METTL14: variants seen among roughly 807,000 people sequenced by gnomAD.
METTL14 encodes the protein methyltransferase 14, N6-adenosine-methyltransferase non-catalytic subunit, also known as N(6)-adenosine-methyltransferase non-catalytic subunit METTL14.
In METTL14, 32 loss-of-function variants were observed where a neutral mutation model predicts 62.4. The observed-to-expected ratio is 0.51, with a 90% CI of 0.39 to 0.69. The LOEUF (loss-of-function observed/expected upper bound fraction) is 0.69. Ranked by LOEUF, METTL14 falls within the 30% of genes least tolerant of loss-of-function variation. METTL14 has a pLI of 0.00. For missense variants in METTL14, 340 were observed against 551.9 expected (o/e 0.62, Z 3.85); for synonymous variants, 150 against 180.0 (o/e 0.83, Z 1.34).
At chr4:118,694,889 C>T (rs1724362484) in intron 6 of METTL14, among the ~76,000 whole-genome samples, 1 of 151,582 alleles carries the variant, frequency 6.6e-6, no homozygotes, top group South Asian at 2.1e-4. Context: ...GCAGCCTCCG[C>T]CCCCTGGGTT....
chr4:118,709,750 C>T (rs545392793), intron 10 of METTL14, among the ~76,000 whole-genome samples: 1 of 152,214 alleles, frequency 6.6e-6, no homozygotes, highest in African/African-American at 2.4e-5. Flanking sequence ...GTTCTATTCT[C>T]ACAAAAGATA....
chr4:118,698,452 C>CA (rs70941202), intron 7 of METTL14, among the ~76,000 whole-genome samples: 4,804 of 74,784 alleles, frequency 0.064, 299 homozygotes, highest in African/African-American at 0.2. Flanking sequence ...GACTCTGTCT[C>CA]AAAAAAAAAA....
intron 3 of METTL14, among the ~76,000 whole-genome samples, chr4:118,689,682 C>T (rs1482184193): frequency 1.4e-5 from 2 of 145,364 alleles, no homozygotes; most frequent in South Asian, 2.2e-4. Flanking sequence ...CTCGCTCTGT[C>T]GCCAGGCTGG....
chr4:118,690,774 T>G (rs1424019282), intron 3 of METTL14, among the ~76,000 whole-genome samples: 1 of 152,142 alleles, frequency 6.6e-6, no homozygotes, highest in Admixed American at 6.5e-5. Context: ...GAAGCTTTTT[T>G]GAGGAGTTGT....
rs569418440 is a variant in METTL14 at position 118,714,983 on chromosome 4, A to C, written c.*4681A>C. 2.6e-5 allele frequency: 4 copies of C among 152,266 alleles called. No homozygotes were observed. Among genetic ancestry groups the C allele is most frequent in the African/African-American group, 7.2e-5 (3 of 41,476 alleles). 9.4% of individuals were successfully genotyped at this position (152,266 alleles called of 1,614,324 possible). A position where few individuals can be genotyped will look rare whatever the true frequency, so the allele number is the denominator to read the frequency against. On this transcript the variant is annotated 3_prime_UTR_variant, in exon 11 of 11. Transcript: ENST00000388822. ...AAAAAGGTTACTTGCTTGAGACAGG[A>C]AACTATCACCTTTGAAAGCATATTA...
At position 118,697,341 on chromosome 4, in the gene METTL14, A is replaced by G. The variant is rs753655905; in HGVS notation, c.645+18A>G. 2 of 1,575,046 alleles carry G rather than the reference A, an allele frequency of 1.3e-6. No individual in the cohort carries two copies. The highest frequency in any genetic ancestry group is 1.7e-6 in the Non-Finnish European group (2 of 1,164,278). Reference sequence around the variant, plus strand: ...GGGATGATGTATGATCAAACTTTCTACATTGTAATGAATTATTTATTTTCA... The same window carrying G: ...GGGATGATGTATGATCAAACTTTCTGCATTGTAATGAATTATTTATTTTCA... On this transcript the variant is annotated intron_variant, in intron 7 of 10. Transcript: ENST00000388822.
chr4:118,698,845 A>G (rs1170954336), intron 7 of METTL14, among the ~76,000 whole-genome samples: 2 of 152,236 alleles, frequency 1.3e-5, no homozygotes, highest in African/African-American at 4.8e-5. Flanking sequence ...TCTGGTTTCA[A>G]AATACATATT....
At chr4:118,691,812 T>C (rs958738860) in intron 4 of METTL14, among the ~76,000 whole-genome samples, 169 bp from the exon 5 acceptor site, 5 of 152,230 alleles carry the variant, frequency 3.3e-5, no homozygotes, top group African/African-American at 1.2e-4. Flanking sequence ...TATATTAATA[T>C]CAGTAGCTAC....
intron 4 of METTL14, 22 bp from the exon 5 acceptor site, chr4:118,691,959 T>G (rs764400502): frequency 6.6e-7 from 1 of 1,522,290 alleles, no homozygotes; most frequent in East Asian, 2.3e-5. Flanking sequence ...TGTTACAAAT[T>G]TAATTTTGTT....
chr4:118,705,737 G>A lies in METTL14; in HGVS notation c.982G>A (p.Val328Ile). ...TGAAATTGGCAATATAGAAAAACCT[G>A]TAGAAATTTTTCATATAATTGAGCA... ...EPEIGNIEKP[V>I]EIFHIIEHFC... The change falls in exon 10 of 11, where the codon GTA becomes ATA. Residue 328 changes from valine (V) to isoleucine (I), a missense_variant. By Grantham distance (29) the Val-to-Ile change is conservative. Transcript: ENST00000388822. 6.2e-7 allele frequency: 1 copy of A among 1,614,038 alleles called. No individual in the cohort carries two copies. The highest frequency in any genetic ancestry group is 8.5e-7 in the Non-Finnish European group (1 of 1,179,954).
In METTL14 at chr4:118,685,434, G is replaced by T; in HGVS notation, c.-101G>T. 1 of 1,190,282 alleles carries T rather than the reference G, an allele frequency of 8.4e-7. No individual in the cohort carries two copies. 73.7% of individuals were successfully genotyped at this position (1,190,282 alleles called of 1,614,324 possible). On this transcript the variant is annotated 5_prime_UTR_variant, in exon 1 of 11. Transcript: ENST00000388822. ...AGCTATGAGGATACTCTGTTCGTAA[G>T]CTCCCGGTGAATTTTGTTCCACAGA...
At chr4:118,700,871 A>G (rs146856192) in intron 8 of METTL14, among the ~76,000 whole-genome samples, 1 of 152,204 alleles carries the variant, frequency 6.6e-6, no homozygotes, top group Admixed American at 6.5e-5. Flanking sequence ...AAGACACTTC[A>G]TTACAAGTAC....
rs531577784 is a variant in METTL14 at position 118,700,674 on chromosome 4, A to T, written c.738+32A>T. ...TGGTGCTTTTATAAAGTGGATTTTTAAATTAATAAGAAAAAAATGTAACAG... is the reference window on the plus strand; with the variant it reads ...TGGTGCTTTTATAAAGTGGATTTTTTAATTAATAAGAAAAAAATGTAACAG... On this transcript the variant is annotated intron_variant, in intron 8 of 10. Coordinates refer to ENST00000388822, the MANE Select transcript of METTL14 (RefSeq NM_020961.4). The T allele has an allele frequency of 6.7e-6, 10 of 1,485,940 alleles. No homozygotes were observed. The South Asian group carries it at 1.2e-4, about 18-fold the overall frequency. The allele number at this position is 1,485,940 out of a possible 1,614,324, so 92.0% of individuals were successfully genotyped here. A position where few individuals can be genotyped will look rare whatever the true frequency, so the allele number is the denominator to read the frequency against.
In METTL14 at chr4:118,687,938, G is replaced by T; in HGVS notation, c.82G>T (p.Ala28Ser). Residue 28 changes from alanine (A) to serine (S), a missense_variant, in exon 2 of 11, where the codon GCC (alanine) becomes TCC (serine). Physicochemically the swap from Ala to Ser is moderately conservative, Grantham distance 99. This residue lies in a region of METTL14 where 111 missense variants were observed against 116.6 expected (regional missense o/e 0.95). Transcript: ENST00000388822. The stretch of plus-strand genomic sequence containing the variant: ...CTTTTCTCAGTTGGGAGCTGAAAGT[G>T]CCGACAGCATTGGTGCCGTGTTAAA... Reference protein sequence around the residue: ...LLAQQLGAESADSIGAVLNSK... With the variant: ...LLAQQLGAESSDSIGAVLNSK... 6.2e-7 allele frequency: 1 copy of T among 1,613,772 alleles called. No individual in the cohort carries two copies. Among genetic ancestry groups the T allele is most frequent in the African/African-American group, 1.3e-5 (1 of 74,950 alleles).
At chr4:118,703,258 T>A (rs1293103555) in intron 8 of METTL14, among the ~76,000 whole-genome samples, 6 of 152,136 alleles carry the variant, frequency 3.9e-5, no homozygotes, top group Non-Finnish European at 7.3e-5. Flanking sequence ...TTCCAGCAGC[T>A]AACCAGCACT....
intron 2 of METTL14, 136 bp downstream of exon 2, chr4:118,688,147 G>T (rs1724133040): frequency 8.8e-6 from 6 of 678,046 alleles, no homozygotes; most frequent in Non-Finnish European, 1.5e-5. Context: ...TGGTACACCT[G>T]CCTTGGCCTC....
At chr4:118,690,700 A>G (rs1002916308) in intron 3 of METTL14, among the ~76,000 whole-genome samples, 3 of 151,884 alleles carry the variant, frequency 2.0e-5, no homozygotes, top group Admixed American at 6.6e-5. Flanking sequence ...AAAAAACACA[A>G]AACTTTGGGT....
In METTL14 at chr4:118,710,550, C is replaced by A; in HGVS notation, c.*248C>A. On this transcript the variant is annotated 3_prime_UTR_variant, in exon 11 of 11. Transcript: ENST00000388822. ...CAGAATGGAACAACTCAAGTAGCTT[C>A]ATCTTCAGAGACTGAATTTATTCTG... 2.7e-6 allele frequency: 1 copy of A among 376,072 alleles called. No homozygotes were observed. Among genetic ancestry groups the A allele is most frequent in the Non-Finnish European group, 4.8e-6 (1 of 210,308 alleles). 23.3% of individuals were successfully genotyped at this position (376,072 alleles called of 1,614,324 possible).
chr4:118,694,908 T>G (rs915462298), intron 6 of METTL14, among the ~76,000 whole-genome samples: 5 of 150,428 alleles, frequency 3.3e-5, no homozygotes, highest in Non-Finnish European at 6.0e-5. Flanking sequence ...TTCAAGTGAT[T>G]CTCATGCCTC....
Sources: allele counts gnomAD v4.1 joint callset (sites outside exome capture counted in the v4.1 genomes callset), GRCh38; gene constraint gnomAD v4.1.1; regional missense constraint gnomAD v4.1.1; transcripts MANE v1.5; gene names NCBI Gene and HGNC (gene_info 2026-07-23, HGNC 2026-07-21).